ZNF800: variants seen among roughly 807,000 people sequenced by gnomAD.
ZNF800 encodes zinc finger protein 800.
Under a neutral mutation model 59.5 loss-of-function variants are expected in ZNF800, and 13 were observed. The observed-to-expected ratio is 0.22, with a 90% CI of 0.14 to 0.35. The LOEUF (loss-of-function observed/expected upper bound fraction) is 0.35, where lower values mean the gene tolerates loss of function less well. ZNF800 is among the 10% of genes least tolerant of loss of function. The pLI, the probability that ZNF800 is intolerant of heterozygous loss-of-function variation, is 1.00. For synonymous variants in ZNF800, 266 were observed against 265.7 expected, an observed-to-expected ratio of 1.00 and a Z score of -0.01; for missense variants, 621 against 783.7, an observed-to-expected ratio of 0.79 and a Z score of 2.48.
intron 1 of ZNF800, among the ~76,000 whole-genome samples, chr7:127,353,286 A>G (rs1800204028): frequency 6.6e-6 from 1 of 152,192 alleles, no homozygotes; most frequent in African/African-American, 2.4e-5. Context: ...AAACTTATAA[A>G]TATGGCAGGA....
At chr7:127,364,408 C>G (rs369681629) in intron 1 of ZNF800, 1 of 151,994 alleles carries the variant, frequency 6.6e-6, no homozygotes, top group Non-Finnish European at 1.5e-5. Context: ...GGTGAATCAA[C>G]CAGGATCAAG....
At chr7:127,351,712 A>G (rs1800171928) in intron 1 of ZNF800, among the ~76,000 whole-genome samples, 1 of 152,206 alleles carries the variant, frequency 6.6e-6, no homozygotes, top group East Asian at 1.9e-4. Flanking sequence ...TTACCCATGG[A>G]CTTTTCAATC....
intron 3 of ZNF800, 70 bp downstream of exon 3, chr7:127,385,990 T>C (rs1801129376): frequency 4.0e-6 from 4 of 988,630 alleles, no homozygotes; most frequent in Admixed American, 2.3e-5. Flanking sequence ...TAAAAATTAT[T>C]TCTAAGGACT....
intron 5 of ZNF800, chr7:127,373,020 T>A (rs1349184214): frequency 1.0e-6 from 1 of 985,102 alleles, no homozygotes; most frequent in African/African-American, 1.7e-5. Context: ...ACAGAAGACT[T>A]CTATTGTAAA....
At chr7:127,358,507 C>T (rs1449414936) in intron 1 of ZNF800, among the ~76,000 whole-genome samples, 3 of 151,990 alleles carry the variant, frequency 2.0e-5, no homozygotes, top group South Asian at 2.1e-4. Context: ...AATCTTTCAA[C>T]GGTACTCCTA....
intron 3 of ZNF800, among the ~76,000 whole-genome samples, chr7:127,379,119 A>G (rs1402416513): frequency 6.6e-6 from 1 of 152,184 alleles, no homozygotes; most frequent in Non-Finnish European, 1.5e-5. Flanking sequence ...AGATTCAGAG[A>G]ATAGCCTGAG....
intron 1 of ZNF800, among the ~76,000 whole-genome samples, chr7:127,391,824 C>G (rs1331462850): frequency 6.6e-6 from 1 of 152,040 alleles, no homozygotes; most frequent in African/African-American, 2.4e-5. Flanking sequence ...AACGCAGCCT[C>G]GGGTGCGCAG....
At chr7:127,345,642 G>A (rs986153484), downstream of ZNF800, among the ~76,000 whole-genome samples, 6 of 152,158 alleles carry the variant, frequency 3.9e-5, no homozygotes, top group African/African-American at 9.7e-5. Context: ...GAGCATAGAC[G>A]GGGGTGGAAG....
chr7:127,365,353 C>A (rs1388980255), downstream of ZNF800, among the ~76,000 whole-genome samples: 1 of 152,000 alleles, frequency 6.6e-6, no homozygotes, highest in Non-Finnish European at 1.5e-5. Flanking sequence ...AAGTAAAACC[C>A]AAGACAGACT....
At chr7:127,379,577 G>A (rs987946120) in intron 3 of ZNF800, among the ~76,000 whole-genome samples, 2 of 152,054 alleles carry the variant, frequency 1.3e-5, no homozygotes. Context: ...TAAACATGAG[G>A]TTATACATAA....
At position 127,386,065 on chromosome 7, in the gene ZNF800, C is replaced by T. The variant is rs201087110; in HGVS notation, c.152G>A (p.Arg51Gln). The T allele has an allele frequency of 5.6e-6, 9 of 1,608,140 alleles. No homozygotes were observed. The highest frequency in any genetic ancestry group is 1.3e-5 in the African/African-American group (1 of 74,736). The change falls in exon 3 of 6, where the codon CGA (arginine) becomes CAA (glutamine). Residue 51 changes from arginine (R) to glutamine (Q), a missense_variant. Physicochemically the swap from Arg to Gln is conservative, Grantham distance 43 (BLOSUM62 1). Coordinates refer to ENST00000265827, the MANE Select transcript of ZNF800 (RefSeq NM_176814.5). ...SGIQQIIECF[R>Q]SGTKQLKHIL... ...ATATCCTAAAACATTCATACCTGAT[C>T]GAAAGCACTCAATTATTTGTTGAAT...
intron 2 of ZNF800, 106 bp downstream of exon 2, chr7:127,391,391 T>C (rs748668366): frequency 1.7e-5 from 19 of 1,101,112 alleles, no homozygotes; most frequent in Non-Finnish European, 2.5e-5. Flanking sequence ...TATCATAGCC[T>C]GCTTAAGAAT....
intron 2 of ZNF800, 88 bp downstream of exon 2, chr7:127,391,409 G>A: frequency 7.9e-7 from 1 of 1,264,048 alleles, no homozygotes; most frequent in East Asian, 2.3e-5. Flanking sequence ...AATGACTACT[G>A]GGGCAGGAGG....
At chr7:127,387,751 C>T (rs1042168303) in intron 2 of ZNF800, among the ~76,000 whole-genome samples, 3 of 151,946 alleles carry the variant, frequency 2.0e-5, no homozygotes, top group Non-Finnish European at 2.9e-5. Context: ...GTCCTAGTTA[C>T]GTGGGAGGCT....
intron 2 of ZNF800, among the ~76,000 whole-genome samples, chr7:127,386,411 T>G (rs1345365857): frequency 1.3e-5 from 2 of 152,210 alleles, no homozygotes; most frequent in African/African-American, 4.8e-5. Flanking sequence ...GGCTAGATAT[T>G]AGGTTTCAAT....
At chr7:127,382,660 C>A (rs4731356) in intron 3 of ZNF800, among the ~76,000 whole-genome samples, 97,488 of 152,016 alleles carry the variant, frequency 0.64, 31,678 homozygotes, top group East Asian at 0.86. Flanking sequence ...GCTGCAAAAC[C>A]TGCAGGCTTC....
Position 127,373,496 on chromosome 7 carries a change from T to G in ZNF800, c.1840A>C (p.Asn614His). The G allele has an allele frequency of 1.9e-6, 3 of 1,614,140 alleles. No homozygotes were observed. Among genetic ancestry groups the G allele is most frequent in the Non-Finnish European group, 2.5e-6 (3 of 1,179,992 alleles). ...TTATTGCATCTGTGAAGAGAAAAGT[T>G]TTTTGTGACTTTTACTTCAATACCG... ...DVGIEVKVTK[N>H]FSLHRCNKCG... is the part of the protein sequence containing the mutation. Residue 614 changes from asparagine (N) to histidine (H), a missense_variant, in exon 5 of 6, where the codon AAC becomes CAC. Transcript: ENST00000265827.
In ZNF800 at chr7:127,374,173, C is replaced by A; in HGVS notation, c.1163G>T (p.Gly388Val). 1 of 1,613,702 alleles carries A rather than the reference C, an allele frequency of 6.2e-7. No individual in the cohort carries two copies. Among genetic ancestry groups the A allele is most frequent in the Non-Finnish European group, 8.5e-7 (1 of 1,179,938 alleles). The change falls in exon 5 of 6, where the codon GGA (glycine) becomes GTA (valine). Residue 388 changes from glycine to valine, a missense_variant. Transcript: ENST00000265827. ...GCCTTTTTCTCTTTTAGAGTTTGTT[C>A]CAGAAAGAGTTATCTTGTGGACAAT... ...MQIVHKITLS[G>V]TNSKREKGPN...
At position 127,371,735 on chromosome 7, in the gene ZNF800, T is replaced by A. The variant is rs1320172219; in HGVS notation, c.*79A>T. 37 of 698,290 alleles carry A rather than the reference T, an allele frequency of 5.3e-5. No homozygotes were observed. Among genetic ancestry groups the A allele is most frequent in the Non-Finnish European group, 9.2e-5 (35 of 380,616 alleles). 43.3% of individuals were successfully genotyped at this position (698,290 alleles called of 1,614,324 possible). A position where few individuals can be genotyped will look rare whatever the true frequency, so the allele number is the denominator to read the frequency against. On this transcript the variant is annotated 3_prime_UTR_variant, in exon 6 of 6. Coordinates refer to ENST00000265827, the MANE Select transcript of ZNF800 (RefSeq NM_176814.5). ...TTTTCCTCATAGTACCATTTGAAGA[T>A]GTTTAGTGGTTCTAACACCAATTTA... is the stretch of plus-strand genomic sequence containing the variant.
Sources: gnomAD v4.1 joint callset for allele counts (sites outside exome capture counted in the v4.1 genomes callset) on GRCh38, gnomAD v4.1.1 for gene constraint, MANE v1.5 for transcripts, NCBI Gene and HGNC (gene_info 2026-07-23, HGNC 2026-07-21) for gene names.